The following RALGAPA1 variants were observed in gnomAD, a reference collection of about 807,000 sequenced individuals.
RALGAPA1 encodes the protein Ral GTPase activating protein catalytic subunit alpha 1, also known as ral GTPase-activating protein subunit alpha-1.
In RALGAPA1, 52 loss-of-function variants were observed where a neutral mutation model predicts 269.6. The observed-to-expected ratio is 0.19, with a 90% CI of 0.15 to 0.24. The LOEUF is 0.24. Ranked by LOEUF, RALGAPA1 falls within the 10% of genes least tolerant of loss-of-function variation. The probability of loss-of-function intolerance (pLI) is 1.00; values close to 1 mark genes in which losing one functional copy is unlikely to be tolerated. For synonymous variants in RALGAPA1, 817 were observed against 1,008.3 expected (o/e 0.81, Z 3.60); for missense variants, 1,917 against 3,013.9 (o/e 0.64, Z 8.52).
chr14:35,735,774 G>T (rs750789743), intron 12 of RALGAPA1, among the ~76,000 whole-genome samples: 3 of 152,236 alleles, frequency 2.0e-5, no homozygotes, highest in Admixed American at 6.5e-5. Context: ...AATGAAAAAA[G>T]AGTAAGACAA....
intron 24 of RALGAPA1, 123 bp from the exon 25 acceptor site, chr14:35,673,145 T>C: frequency 1.9e-6 from 2 of 1,052,510 alleles, no homozygotes; most frequent in Non-Finnish European, 2.5e-6. Flanking sequence ...CCAATTTCTT[T>C]AATGAACTAA....
intron 41 of RALGAPA1, chr14:35,541,853 A>G (rs550333694): frequency 2.1e-4 from 98 of 462,912 alleles, no homozygotes; most frequent in South Asian, 1.5e-3. Flanking sequence ...TGAGAAAGCA[A>G]AAGAGAAGAT....
intron 12 of RALGAPA1, 117 bp downstream of exon 12, chr14:35,738,396 A>G (rs771824792): frequency 1.1e-4 from 65 of 582,696 alleles, no homozygotes; most frequent in Non-Finnish European, 1.6e-4. Flanking sequence ...ATATGGCATA[A>G]TGATAAATAT....
chr14:35,548,120 CAG>C (rs963203738), intron 41 of RALGAPA1, among the ~76,000 whole-genome samples: 2 of 151,940 alleles, frequency 1.3e-5, no homozygotes, highest in African/African-American at 4.8e-5. Flanking sequence ...GCAAGGCACA[CAG>C]AGAGTTATCA....
At chr14:35,604,714 T>C (rs372429395) in intron 36 of RALGAPA1, among the ~76,000 whole-genome samples, 33 of 152,110 alleles carry the variant, frequency 2.2e-4, no homozygotes, top group Admixed American at 1.4e-3. Context: ...CAATTTCCAG[T>C]GTACTATATA....
At position 35,600,801 on chromosome 14, in the gene RALGAPA1, T is replaced by C. The variant is rs545744815; in HGVS notation, c.7053+4785A>G. On this transcript the variant is annotated intron_variant, in intron 36 of 41. Coordinates refer to ENST00000680220, the MANE Select transcript of RALGAPA1 (RefSeq NM_001346249.2). ...TCAAGGTTGTTTTAAATATTTGTAA[T>C]CTTGGTGTGGGCATCTGCTGTCTTT... Among the ~76,000 whole-genome samples the C allele has an allele frequency of 3.3e-5, 5 of 152,352 alleles. No individual in the cohort carries two copies. The East Asian group carries it at 9.6e-4, about 29-fold the overall frequency.
intron 8 of RALGAPA1, among the ~76,000 whole-genome samples, chr14:35,751,653 T>C (rs1166824503): frequency 6.6e-6 from 1 of 151,856 alleles, no homozygotes; most frequent in East Asian, 1.9e-4. Flanking sequence ...TGGTGGTGCA[T>C]GACTGTTGTC....
chr14:35,694,997 T>C (rs928608779), intron 17 of RALGAPA1, among the ~76,000 whole-genome samples: 1 of 152,096 alleles, frequency 6.6e-6, no homozygotes, highest in African/African-American at 2.4e-5. Context: ...CAAGAATTGC[T>C]TGAACCCAGG....
intron 1 of RALGAPA1, among the ~76,000 whole-genome samples, chr14:35,801,059 A>C (rs1340131545): frequency 7.4e-6 from 1 of 135,896 alleles, no homozygotes; most frequent in Non-Finnish European, 1.5e-5. Flanking sequence ...AGCAGACATC[A>C]ATTAAAAAAA....
chr14:35,632,490 T>C (rs1412403826), intron 33 of RALGAPA1, among the ~76,000 whole-genome samples: 1 of 152,192 alleles, frequency 6.6e-6, no homozygotes, highest in Non-Finnish European at 1.5e-5. Flanking sequence ...GCTGCTGCAA[T>C]TCACTGCACT....
chr14:35,738,721 G>A, intron 11 of RALGAPA1, 71 bp from the exon 12 acceptor site: 3 of 1,293,816 alleles, frequency 2.3e-6, no homozygotes, highest in Non-Finnish European at 1.1e-6. Context: ...AAGTTGAAAA[G>A]GTAAATGAAA....
At chr14:35,719,045 T>C (rs1258656607) in intron 16 of RALGAPA1, among the ~76,000 whole-genome samples, 1 of 151,926 alleles carries the variant, frequency 6.6e-6, no homozygotes, top group Non-Finnish European at 1.5e-5. Context: ...AGTTTCACCA[T>C]GTTGCCCAGG....
chr14:35,614,800 G>C (rs1250977339), intron 35 of RALGAPA1, among the ~76,000 whole-genome samples: 3 of 151,980 alleles, frequency 2.0e-5, no homozygotes, highest in Non-Finnish European at 4.4e-5. Context: ...CAGTGTTTTT[G>C]CTTCTTCAGG....
At chr14:35,778,290 A>G (rs572295533) in intron 1 of RALGAPA1, among the ~76,000 whole-genome samples, 2 of 152,240 alleles carry the variant, frequency 1.3e-5, no homozygotes, top group South Asian at 2.1e-4. Context: ...GGCTGAAGCA[A>G]TCCTCCTACC....
At chr14:35,685,702 G>A (rs965408660) in intron 19 of RALGAPA1, among the ~76,000 whole-genome samples, 7 of 152,034 alleles carry the variant, frequency 4.6e-5, no homozygotes, top group Non-Finnish European at 7.4e-5. Context: ...TCAGGAGTTC[G>A]AGACCAGTCT....
At chr14:35,642,499 T>C (rs573382153) in intron 31 of RALGAPA1, among the ~76,000 whole-genome samples, 1 of 152,222 alleles carries the variant, frequency 6.6e-6, no homozygotes, top group Admixed American at 6.5e-5. Flanking sequence ...CATATGACTA[T>C]ATGAAAACAA....
intron 1 of RALGAPA1, among the ~76,000 whole-genome samples, chr14:35,788,786 A>G (rs568387678): frequency 1.3e-5 from 2 of 152,318 alleles, no homozygotes; most frequent in Admixed American, 6.5e-5. Flanking sequence ...TACATTATGG[A>G]CCTTAGTTTA....
At chr14:35,708,526 A>C (rs1045090888) in intron 16 of RALGAPA1, among the ~76,000 whole-genome samples, 5 of 152,200 alleles carry the variant, frequency 3.3e-5, no homozygotes, top group Non-Finnish European at 7.4e-5. Flanking sequence ...ATAATCAGAG[A>C]AATGCAAATC....
intron 1 of RALGAPA1, among the ~76,000 whole-genome samples, chr14:35,783,399 G>A (rs2075587128): frequency 6.6e-6 from 1 of 151,940 alleles, no homozygotes; most frequent in South Asian, 2.1e-4. Context: ...ACACACAGTT[G>A]AAAAGAATGA....
Sources: gnomAD v4.1 joint callset for allele counts (sites outside exome capture counted in the v4.1 genomes callset) on GRCh38, gnomAD v4.1.1 for gene constraint, MANE v1.5 for transcripts, NCBI Gene and HGNC (gene_info 2026-07-23, HGNC 2026-07-21) for gene names.